RIT2: variants seen among roughly 807,000 people sequenced by gnomAD.
RIT2 encodes the protein GTP-binding protein Rit2.
RIT2 carries 24 observed loss-of-function variants against 23.7 expected under a neutral mutation model. That is an observed-to-expected ratio of 1.01 (90% CI 0.73 to 1.43). RIT2 has a LOEUF of 1.43. Among genes scored for constraint, RIT2 ranks in the 40% most tolerant of loss-of-function variants. The pLI is 0.00. For missense variants in RIT2, 236 were observed against 266.9 expected (o/e 0.88, Z 0.81); for synonymous variants, 107 against 91.1 (o/e 1.17, Z -0.99).
chr18:43,019,506 C>A lies in RIT2; in HGVS notation c.160+14305G>T, dbSNP rs80340324. On this transcript the variant is annotated intron_variant, in intron 2 of 4. Coordinates refer to ENST00000326695, the MANE Select transcript of RIT2 (RefSeq NM_002930.4). ...AATATCCCTTCATGACAAAAAAAAA[C>A]CCCAAAAACTAGACATAGAAGTAAC... Among the ~76,000 whole-genome samples the A allele has an allele frequency of 7.7e-3, 1,165 of 151,240 alleles. 18 individuals carry two copies. Among genetic ancestry groups the A allele is most frequent in the African/African-American group, 0.027 (1,095 of 41,192 alleles).
At chr18:43,076,931 G>C (rs1332081699) in intron 1 of RIT2, among the ~76,000 whole-genome samples, 5 of 151,040 alleles carry the variant, frequency 3.3e-5, no homozygotes, top group Non-Finnish European at 5.9e-5. Context: ...GTGAAACCCC[G>C]TCTCTACTAA....
intron 2 of RIT2, among the ~76,000 whole-genome samples, chr18:43,014,823 A>ATTCTTATGTAAACT (rs1326330304): frequency 6.6e-6 from 1 of 151,718 alleles, no homozygotes; most frequent in Non-Finnish European, 1.5e-5. Context: ...AAATGGAAAA[A>ATTCTTATGTAAACT]TTCTTATGTA....
chr18:42,912,302 T>TA (rs1285712016), intron 4 of RIT2, among the ~76,000 whole-genome samples: 2 of 151,668 alleles, frequency 1.3e-5, no homozygotes, highest in African/African-American at 2.4e-5. Context: ...GAATACCTAT[T>TA]AAAAAAACTA....
At chr18:42,938,474 G>A (rs1909516356) in intron 3 of RIT2, among the ~76,000 whole-genome samples, 1 of 152,056 alleles carries the variant, frequency 6.6e-6, no homozygotes, top group Non-Finnish European at 1.5e-5. Context: ...CCAAAATTTG[G>A]TACTTCCTTT....
intron 4 of RIT2, among the ~76,000 whole-genome samples, chr18:42,882,173 A>G (rs1318302816): frequency 1.3e-5 from 2 of 152,240 alleles, no homozygotes; most frequent in African/African-American, 2.4e-5. Context: ...TTAACGGATT[A>G]GTATTCAAGA....
intron 4 of RIT2, among the ~76,000 whole-genome samples, chr18:42,894,797 T>C (rs952881224): frequency 6.6e-6 from 1 of 152,230 alleles, no homozygotes; most frequent in African/African-American, 2.4e-5. Flanking sequence ...TTTCTGTATA[T>C]AGATATACTT....
chr18:43,024,447 T>G (rs1456162114), intron 2 of RIT2, among the ~76,000 whole-genome samples: 1 of 151,980 alleles, frequency 6.6e-6, no homozygotes, highest in African/African-American at 2.4e-5. Flanking sequence ...TAAAAATATA[T>G]TTTTTAAAAA....
chr18:42,838,016 A>G (rs1167580934), intron 4 of RIT2, among the ~76,000 whole-genome samples: 1 of 152,146 alleles, frequency 6.6e-6, no homozygotes, highest in Non-Finnish European at 1.5e-5. Flanking sequence ...TGGCAATATA[A>G]AAACCTGACC....
chr18:42,959,762 C>T (rs947867671), intron 3 of RIT2, among the ~76,000 whole-genome samples: 2 of 152,066 alleles, frequency 1.3e-5, no homozygotes, highest in Non-Finnish European at 2.9e-5. Flanking sequence ...CTTATCTGTC[C>T]CATAGAGGAT....
intron 4 of RIT2, among the ~76,000 whole-genome samples, chr18:42,795,974 C>T (rs1355411430): frequency 6.6e-6 from 1 of 152,108 alleles, no homozygotes; most frequent in Non-Finnish European, 1.5e-5. Context: ...AGCGCCCTGT[C>T]AAAACAGACC....
intron 4 of RIT2, among the ~76,000 whole-genome samples, chr18:42,885,400 G>A (rs547476714): frequency 9.2e-5 from 14 of 152,092 alleles, no homozygotes; most frequent in South Asian, 4.1e-4. Context: ...CCTGGCTAAC[G>A]CGGTGAAACC....
chr18:42,939,660 C>T (rs1265387201), intron 3 of RIT2, among the ~76,000 whole-genome samples: 1 of 150,694 alleles, frequency 6.6e-6, no homozygotes, highest in Admixed American at 6.8e-5. Context: ...CAAAATATGC[C>T]TATAAAGTTT....
chr18:42,932,660 A>AT (rs890100241), intron 3 of RIT2, among the ~76,000 whole-genome samples: 22 of 149,852 alleles, frequency 1.5e-4, no homozygotes, highest in South Asian at 4.2e-4. Context: ...TGATTATCAA[A>AT]TTTTTTTTTT....
At chr18:42,837,589 T>C (rs1286699858) in intron 4 of RIT2, among the ~76,000 whole-genome samples, 2 of 152,186 alleles carry the variant, frequency 1.3e-5, no homozygotes, top group Admixed American at 6.5e-5. Flanking sequence ...TCAAAGCTGT[T>C]AGGAGACTTG....
At chr18:42,957,744 A>C (rs1043891228) in intron 3 of RIT2, among the ~76,000 whole-genome samples, 2 of 152,292 alleles carry the variant, frequency 1.3e-5, no homozygotes, top group East Asian at 3.9e-4. Flanking sequence ...AAGTTGCACC[A>C]CTGCACTCCA....
intron 4 of RIT2, among the ~76,000 whole-genome samples, chr18:42,853,292 T>C (rs758091324): frequency 6.6e-5 from 10 of 152,354 alleles, no homozygotes; most frequent in Middle Eastern, 3.4e-3. Flanking sequence ...GTTGAGTTGT[T>C]ACAATTGACA....
chr18:42,931,182 T>C (rs1263413681), intron 3 of RIT2, among the ~76,000 whole-genome samples: 3 of 152,178 alleles, frequency 2.0e-5, no homozygotes, highest in Non-Finnish European at 4.4e-5. Flanking sequence ...ATCACTTGGT[T>C]AATTACTTAC....
chr18:42,998,386 T>C (rs1911033487), intron 2 of RIT2, among the ~76,000 whole-genome samples: 1 of 152,142 alleles, frequency 6.6e-6, no homozygotes, highest in Non-Finnish European at 1.5e-5. Context: ...ACTCCCATTT[T>C]AGTTTTGGCT....
At chr18:42,798,181 T>C (rs1051847207) in intron 4 of RIT2, among the ~76,000 whole-genome samples, 5 of 152,254 alleles carry the variant, frequency 3.3e-5, no homozygotes, top group Non-Finnish European at 7.3e-5. Context: ...TCTTCAGTTA[T>C]TCAAAATTCA....
Sources: allele counts gnomAD v4.1 joint callset (sites outside exome capture counted in the v4.1 genomes callset), GRCh38; gene constraint gnomAD v4.1.1; transcripts MANE v1.5; gene names NCBI Gene and HGNC (gene_info 2026-07-23, HGNC 2026-07-21).